Variants in CLIP1 observed in about 807,000 individuals in gnomAD.
The protein encoded by CLIP1 is CAP-Gly domain-containing linker protein 1.
A neutral mutation model predicts 161.6 loss-of-function variants in CLIP1; 66 were observed. The observed-to-expected ratio is 0.41, with a 90% CI of 0.33 to 0.50. CLIP1 has a LOEUF of 0.50. Ranked by LOEUF, CLIP1 falls within the 20% of genes least tolerant of loss-of-function variation. The pLI is 0.27. For missense variants in CLIP1, 1,376 were observed against 1,702.0 expected, an observed-to-expected ratio of 0.81 and a Z score of 3.37; for synonymous variants, 598 against 626.2, an observed-to-expected ratio of 0.96 and a Z score of 0.67.
chr12:122,340,830 T>C lies in CLIP1; in HGVS notation c.2374A>G (p.Lys792Glu). 1.9e-6 allele frequency: 3 copies of C among 1,613,858 alleles called. No individual in the cohort carries two copies. Among genetic ancestry groups the C allele is most frequent in the Non-Finnish European group, 2.5e-6 (3 of 1,179,936 alleles). The change falls in exon 11 of 26, where the codon AAA becomes GAA. Residue 792 changes from lysine (K) to glutamate (E), a missense_variant. Around this residue, in one of 6 missense-constraint regions of CLIP1, gnomAD observed 948 missense variants for 1,134.8 expected, o/e 0.84. Transcript: ENST00000620786. ...ASSEGKSEMK[K>E]LRQQLEAAEK... ...GCTGCCTCAAGCTGCTGTCTAAGTT[T>C]CTTCATTTCCGATTTACCTTCGGAA...
At chr12:122,359,558 A>T (rs1953676462) in intron 5 of CLIP1, among the ~76,000 whole-genome samples, 1 of 152,106 alleles carries the variant, frequency 6.6e-6, no homozygotes, top group Non-Finnish European at 1.5e-5. Flanking sequence ...GCTCTTCTCC[A>T]TTTCATTGTT....
intron 1 of CLIP1, among the ~76,000 whole-genome samples, chr12:122,413,751 G>T (rs1477803545): frequency 6.6e-6 from 1 of 151,964 alleles, no homozygotes; most frequent in African/African-American, 2.4e-5. Context: ...GAGAGATTTT[G>T]AAAGCATACT....
At chr12:122,280,359 G>C (rs1955599665) in intron 21 of CLIP1, 1 of 152,168 alleles carries the variant, frequency 6.6e-6, no homozygotes, top group Non-Finnish European at 1.5e-5. Context: ...TTACAGGCGT[G>C]AGCCGGCCAT....
chr12:122,325,050 T>C (rs1376562241), intron 17 of CLIP1, among the ~76,000 whole-genome samples: 1 of 136,088 alleles, frequency 7.3e-6, no homozygotes, highest in African/African-American at 2.8e-5. Flanking sequence ...TCTGCAATGA[T>C]ATAATTTTTT....
intron 23 of CLIP1, 73 bp from the exon 24 acceptor site, chr12:122,278,276 C>T (rs1955513984): frequency 8.7e-6 from 12 of 1,375,478 alleles, no homozygotes; most frequent in Non-Finnish European, 1.2e-5. Flanking sequence ...ACAATCTAAA[C>T]TGCAGTGAAA....
chr12:122,394,432 T>C (rs1208905830), intron 1 of CLIP1, among the ~76,000 whole-genome samples: 1 of 129,876 alleles, frequency 7.7e-6, no homozygotes, highest in Non-Finnish European at 1.5e-5. Flanking sequence ...GAGGTTGCAG[T>C]GAGCCAAGAT....
intron 20 of CLIP1, among the ~76,000 whole-genome samples, chr12:122,302,100 T>A (rs905929241): frequency 1.6e-4 from 25 of 152,088 alleles, no homozygotes; most frequent in East Asian, 1.9e-4. Context: ...ATTATTATTT[T>A]TTATTATTAT....
chr12:122,304,142 G>A (rs1950784794), intron 20 of CLIP1, among the ~76,000 whole-genome samples: 1 of 152,208 alleles, frequency 6.6e-6, no homozygotes, highest in South Asian at 2.1e-4. Context: ...TCCTGCGGTG[G>A]TGCAAAGGGG....
Position 122,279,311 on chromosome 12 carries a change from G to T in CLIP1, c.3648-166C>A. 2.3e-6 allele frequency: 1 copy of T among 426,430 alleles called. No individual in the cohort carries two copies. The highest frequency in any genetic ancestry group is 4.1e-6 in the Non-Finnish European group (1 of 244,376). 26.4% of individuals were successfully genotyped at this position (426,430 alleles called of 1,614,324 possible). A position where few individuals can be genotyped will look rare whatever the true frequency, so the allele number is the denominator to read the frequency against. The stretch of plus-strand genomic sequence containing the variant: ...CCATTATGCTCACAAAATTTTACTT[G>T]AAATTTTACTTACTGTGAGGGGAGA... On this transcript the variant is annotated intron_variant, in intron 21 of 25. Coordinates refer to ENST00000620786, the MANE Select transcript of CLIP1 (RefSeq NM_001247997.2). This position sits in a 1 kb window ranked among gnomAD's most constrained non-coding sequence, Gnocchi z 4.5.
At chr12:122,338,015 A>AG (rs1467105628) in intron 11 of CLIP1, among the ~76,000 whole-genome samples, 1 of 103,792 alleles carries the variant, frequency 9.6e-6, no homozygotes, top group East Asian at 7.3e-4. Flanking sequence ...ACTCTGTCTC[A>AG]AAAAAAAAAA....
chr12:122,304,468 C>G (rs1950794707), intron 20 of CLIP1, among the ~76,000 whole-genome samples: 1 of 152,204 alleles, frequency 6.6e-6, no homozygotes, highest in African/African-American at 2.4e-5. Context: ...TCAAGTGATT[C>G]TCCTGCCTCA....
chr12:122,362,708 T>A (rs1289805277), intron 4 of CLIP1, among the ~76,000 whole-genome samples: 308 of 8,478 alleles, frequency 0.036, no homozygotes, highest in Admixed American at 0.043. Flanking sequence ...TCAATAAAAA[T>A]ATGATAAAAA....
Position 122,272,854 on chromosome 12 carries a change from A to G in CLIP1, c.*21T>C. On this transcript the variant is annotated 3_prime_UTR_variant, in exon 26 of 26. Transcript: ENST00000620786. ...AATGCGAGTGCGTCTGAGCAAGCCC[A>G]GTTCTCCACTGGAGGCTTCATCAGA... 4.4e-6 allele frequency: 7 copies of G among 1,607,782 alleles called. No individual in the cohort carries two copies. Among genetic ancestry groups the G allele is most frequent in the Non-Finnish European group, 6.0e-6 (7 of 1,174,122 alleles).
chr12:122,340,874 T>C lies in CLIP1; in HGVS notation c.2330A>G (p.Asp777Gly). The change falls in exon 11 of 26, where the codon GAT becomes GGT. Residue 777 changes from aspartate to glycine, a missense_variant. By Grantham distance (94) the Asp-to-Gly change is moderately conservative (BLOSUM62 -1). Transcript: ENST00000620786. Reference protein sequence around the residue: ...KATEEKLLDLDALRKASSEGK... With the variant: ...KATEEKLLDLGALRKASSEGK... ...TTCGGAACTGGCTTTCCGAAGTGCATCAAGATCCAAGAGCTTTTCTTCAGT... is the reference window on the plus strand; with the variant it reads ...TTCGGAACTGGCTTTCCGAAGTGCACCAAGATCCAAGAGCTTTTCTTCAGT... 1 of 1,614,232 alleles carries C rather than the reference T, an allele frequency of 6.2e-7. No homozygotes were observed. The highest frequency in any genetic ancestry group is 8.5e-7 in the Non-Finnish European group (1 of 1,180,038).
In CLIP1 at chr12:122,272,866, G is replaced by A; in HGVS notation, c.*9C>T. 7 of 1,613,270 alleles carry A rather than the reference G, an allele frequency of 4.3e-6. No homozygotes were observed. The highest frequency in any genetic ancestry group is 5.1e-6 in the Non-Finnish European group (6 of 1,179,176). On this transcript the variant is annotated 3_prime_UTR_variant, in exon 26 of 26. Coordinates refer to ENST00000620786, the MANE Select transcript of CLIP1 (RefSeq NM_001247997.2). ...TCTGAGCAAGCCCAGTTCTCCACTG[G>A]AGGCTTCATCAGAAGGTTTCGTCGT... is the stretch of plus-strand genomic sequence containing the variant.
intron 20 of CLIP1, among the ~76,000 whole-genome samples, chr12:122,291,543 A>G (rs754823115): frequency 9.9e-5 from 15 of 152,104 alleles, no homozygotes; most frequent in Non-Finnish European, 5.9e-5. Context: ...GAAGAGTATA[A>G]GCCAGTTATT....
intron 9 of CLIP1, among the ~76,000 whole-genome samples, chr12:122,350,169 T>C (rs1952963693): frequency 6.6e-6 from 1 of 152,122 alleles, no homozygotes; most frequent in Non-Finnish European, 1.5e-5. Context: ...CCTCCCAAAG[T>C]GCTGGGATTA....
At chr12:122,339,161 G>A (rs570731025) in intron 11 of CLIP1, among the ~76,000 whole-genome samples, 46 of 152,238 alleles carry the variant, frequency 3.0e-4, no homozygotes, top group South Asian at 2.1e-3. Flanking sequence ...AATGTTTCAC[G>A]TAATTTCCTA....
chr12:122,282,259 C>T (rs1004396704), intron 21 of CLIP1, among the ~76,000 whole-genome samples: 1 of 152,146 alleles, frequency 6.6e-6, no homozygotes, highest in African/African-American at 2.4e-5. Flanking sequence ...CTATGCAAAC[C>T]ACCAGGAGGG....
Sources: gnomAD v4.1 joint callset for allele counts (sites outside exome capture counted in the v4.1 genomes callset) on GRCh38, gnomAD v4.1.1 for gene constraint, gnomAD v4.1.1 regional missense constraint, Gnocchi (gnomAD v3.1) non-coding constraint, MANE v1.5 for transcripts, NCBI Gene and HGNC (gene_info 2026-07-23, HGNC 2026-07-21) for gene names.